COL23A1: variants seen among roughly 807,000 people sequenced by gnomAD.
COL23A1 encodes collagen type XXIII alpha 1 chain.
A neutral mutation model predicts 99.3 loss-of-function variants in COL23A1; 97 were observed. The observed-to-expected ratio is 0.98, with a 90% CI of 0.83 to 1.16. The LOEUF (loss-of-function observed/expected upper bound fraction) is 1.16, where lower values mean the gene tolerates loss of function less well. Ranked by LOEUF, COL23A1 falls within the 50% of genes most tolerant of loss-of-function variation. The pLI is 0.00. For missense variants in COL23A1, 762 were observed against 757.4 expected, an observed-to-expected ratio of 1.01 and a Z score of -0.07; for synonymous variants, 320 against 308.2, an observed-to-expected ratio of 1.04 and a Z score of -0.40.
intron 2 of COL23A1, among the ~76,000 whole-genome samples, chr5:178,334,338 C>T (rs1252028586): frequency 1.3e-5 from 2 of 152,208 alleles, no homozygotes; most frequent in African/African-American, 4.8e-5. Flanking sequence ...ATGCCTGGAT[C>T]GAGCCCATGC....
intron 5 of COL23A1, among the ~76,000 whole-genome samples, chr5:178,285,824 C>T (rs181049644): frequency 5.3e-5 from 8 of 152,332 alleles, no homozygotes; most frequent in East Asian, 3.9e-4. Flanking sequence ...GGCTGAGAGC[C>T]GGGCAGAGCC....
intron 2 of COL23A1, among the ~76,000 whole-genome samples, chr5:178,382,100 G>C (rs1763412318): frequency 6.6e-6 from 1 of 151,412 alleles, no homozygotes; most frequent in South Asian, 2.1e-4. Flanking sequence ...GGAATCTTCG[G>C]GGGGAATGGG....
intron 2 of COL23A1, among the ~76,000 whole-genome samples, chr5:178,335,033 C>T (rs1017143427): frequency 3.9e-5 from 6 of 152,318 alleles, no homozygotes; most frequent in Middle Eastern, 3.4e-3. Flanking sequence ...CACAGGCGTC[C>T]CTAAGAGCAG....
At chr5:178,440,477 G>A (rs906345580) in intron 2 of COL23A1, among the ~76,000 whole-genome samples, 2 of 152,230 alleles carry the variant, frequency 1.3e-5, no homozygotes, top group Non-Finnish European at 2.9e-5. Flanking sequence ...CATTAGAGCA[G>A]TGCTTTAAAA....
chr5:178,526,291 A>AC (rs1224922831), intron 2 of COL23A1, among the ~76,000 whole-genome samples: 3 of 151,700 alleles, frequency 2.0e-5, no homozygotes, highest in Non-Finnish European at 4.4e-5. Flanking sequence ...CAGGGAGCTG[A>AC]CTCTATCCCC....
At chr5:178,571,970 A>C (rs1214279126) in intron 1 of COL23A1, among the ~76,000 whole-genome samples, 1 of 150,790 alleles carries the variant, frequency 6.6e-6, no homozygotes, top group Non-Finnish European at 1.5e-5. Flanking sequence ...CGGGAGGCTG[A>C]GGCAGGAGAA....
At chr5:178,412,092 G>C (rs1765085245) in intron 2 of COL23A1, among the ~76,000 whole-genome samples, 1 of 152,164 alleles carries the variant, frequency 6.6e-6, no homozygotes. Flanking sequence ...GTATATAATG[G>C]TAAAAATGGA....
chr5:178,329,097 T>A (rs116166423), intron 2 of COL23A1, among the ~76,000 whole-genome samples: 2,873 of 152,198 alleles, frequency 0.019, 43 homozygotes, highest in South Asian at 0.076. Context: ...CCCCTCCAGG[T>A]GGCCAATTTC....
Position 178,415,389 on chromosome 5 carries a change from G to A in COL23A1, c.362-108470C>T, listed in dbSNP as rs553723076. Among the ~76,000 whole-genome samples the A allele has an allele frequency of 8.5e-5, 13 of 152,260 alleles. No homozygotes were observed. The highest frequency in any genetic ancestry group is 2.4e-4 in the African/African-American group (10 of 41,552). On this transcript the variant is annotated intron_variant, in intron 2 of 28. Coordinates refer to ENST00000390654, the MANE Select transcript of COL23A1 (RefSeq NM_173465.4). The surrounding 1 kb of genome is among the most constrained non-coding windows in gnomAD (Gnocchi z 4.6). Reference sequence around the variant, plus strand: ...CAAATCAGTCGAACGTCTAAAAACCGTCCTGCCCCCCACCCTCAGTGCACA... The same window carrying A: ...CAAATCAGTCGAACGTCTAAAAACCATCCTGCCCCCCACCCTCAGTGCACA...
At chr5:178,493,877 A>C (rs1318744289) in intron 2 of COL23A1, among the ~76,000 whole-genome samples, 1 of 152,222 alleles carries the variant, frequency 6.6e-6, no homozygotes, top group Admixed American at 6.5e-5. Flanking sequence ...AGCAAATGTC[A>C]ATGCATGCAA....
chr5:178,276,642 G>A (rs1756599482), intron 5 of COL23A1, among the ~76,000 whole-genome samples: 1 of 152,218 alleles, frequency 6.6e-6, no homozygotes, highest in Admixed American at 6.5e-5. Flanking sequence ...GCACCATACG[G>A]TTCTGATTTC....
At chr5:178,429,605 G>A (rs999055670) in intron 2 of COL23A1, among the ~76,000 whole-genome samples, 1 of 152,168 alleles carries the variant, frequency 6.6e-6, no homozygotes, top group Non-Finnish European at 1.5e-5. Flanking sequence ...TGCGTAAAAT[G>A]TAGATTCATT....
At chr5:178,247,888 C>A in intron 20 of COL23A1, 57 bp from the exon 21 acceptor site, 2 of 1,456,632 alleles carry the variant, frequency 1.4e-6, no homozygotes, top group Non-Finnish European at 1.9e-6. Flanking sequence ...CACCTACCCG[C>A]ACCCGAGCTC....
chr5:178,261,628 A>G (rs1364970591), intron 11 of COL23A1, 94 bp downstream of exon 11: 2 of 822,420 alleles, frequency 2.4e-6, no homozygotes, highest in Non-Finnish European at 4.2e-6. Flanking sequence ...TGGCTTCACT[A>G]GGGGTGGGGG....
At chr5:178,331,587 C>T (rs757579972) in intron 2 of COL23A1, among the ~76,000 whole-genome samples, 1 of 152,136 alleles carries the variant, frequency 6.6e-6, no homozygotes, top group African/African-American at 2.4e-5. Flanking sequence ...GCAGGGAGGG[C>T]GAGGCTCTGA....
At chr5:178,347,396 C>T (rs1042066664) in intron 2 of COL23A1, among the ~76,000 whole-genome samples, 8 of 147,142 alleles carry the variant, frequency 5.4e-5, no homozygotes, top group African/African-American at 1.5e-4. Context: ...GAAGTAGACA[C>T]GGGGATGCCA....
At chr5:178,253,973 G>A (rs1021988808) in intron 16 of COL23A1, among the ~76,000 whole-genome samples, 1 of 150,932 alleles carries the variant, frequency 6.6e-6, no homozygotes, top group Non-Finnish European at 1.5e-5. Context: ...AGACCAGCCC[G>A]GCCAACATGG....
At chr5:178,241,204 G>A (rs1263055971) in intron 27 of COL23A1, among the ~76,000 whole-genome samples, 1 of 152,136 alleles carries the variant, frequency 6.6e-6, no homozygotes, top group Non-Finnish European at 1.5e-5. Flanking sequence ...CTGGGCGACA[G>A]AGTGAGACTC....
Position 178,280,197 on chromosome 5 carries a change from G to T in COL23A1, c.441+8127C>A, listed in dbSNP as rs1482899844. 2.6e-5 allele frequency among the ~76,000 whole-genome samples: 4 copies of T among 152,254 alleles called. No homozygotes were observed. Among genetic ancestry groups the T allele is most frequent in the Non-Finnish European group, 5.9e-5 (4 of 68,048 alleles). On this transcript the variant is annotated intron_variant, in intron 5 of 28. Coordinates refer to ENST00000390654, the MANE Select transcript of COL23A1 (RefSeq NM_173465.4). The surrounding 1 kb of genome is among the most constrained non-coding windows in gnomAD (Gnocchi z 4.9). The stretch of plus-strand genomic sequence containing the variant: ...CCAGCCCTGGCGGACTCTTGCGCTG[G>T]ACTCCCGCCCTCGGGCCACAGCCTG...
Sources: gnomAD v4.1 joint callset for allele counts (sites outside exome capture counted in the v4.1 genomes callset) on GRCh38, gnomAD v4.1.1 for gene constraint, Gnocchi (gnomAD v3.1) non-coding constraint, MANE v1.5 for transcripts, NCBI Gene and HGNC (gene_info 2026-07-23, HGNC 2026-07-21) for gene names.